CAMTA1: variants seen among roughly 807,000 people sequenced by gnomAD.
CAMTA1 encodes calmodulin binding transcription activator 1.
A neutral mutation model predicts 170.9 loss-of-function variants in CAMTA1; 27 were observed. That is an observed-to-expected ratio of 0.16 (90% CI 0.12 to 0.22). CAMTA1 has a LOEUF of 0.22. CAMTA1 is among the 10% of genes least tolerant of loss of function. The pLI is 1.00. For missense variants in CAMTA1, 1,619 were observed against 2,217.2 expected (o/e 0.73, Z 5.42); for synonymous variants, 833 against 891.5 (o/e 0.93, Z 1.17).
At chr1:7,056,903 G>A (rs961169120) in intron 3 of CAMTA1, among the ~76,000 whole-genome samples, 3 of 152,292 alleles carry the variant, frequency 2.0e-5, no homozygotes, top group East Asian at 1.9e-4. Context: ...GGGTGGTTCC[G>A]CTGGGACACC....
chr1:7,177,833 A>G (rs1651252900), intron 4 of CAMTA1, among the ~76,000 whole-genome samples: 1 of 147,750 alleles, frequency 6.8e-6, no homozygotes. Flanking sequence ...TGCCACACAC[A>G]GAGGCTCCTC....
At chr1:7,757,789 G>A (rs926017423) in intron 22 of CAMTA1, among the ~76,000 whole-genome samples, 1 of 152,070 alleles carries the variant, frequency 6.6e-6, no homozygotes, top group Non-Finnish European at 1.5e-5. Flanking sequence ...AAGATTTAAA[G>A]GCTCATTTAT....
chr1:7,014,970 T>C lies in CAMTA1; in HGVS notation c.235-76334T>C, dbSNP rs1205916932. On this transcript the variant is annotated intron_variant, in intron 3 of 22. Coordinates refer to ENST00000303635, the MANE Select transcript of CAMTA1 (RefSeq NM_015215.4). The surrounding 1 kb of genome is among the most constrained non-coding windows in gnomAD (Gnocchi z 4.2). ...AACCACAAGCTAAATGATCTGTACA[T>C]TGTCCTCCAACTCTGAGAGCCTCTG... 6.6e-6 allele frequency among the ~76,000 whole-genome samples: 1 copy of C among 152,164 alleles called. No homozygotes were observed. Among genetic ancestry groups the C allele is most frequent in the Non-Finnish European group, 1.5e-5 (1 of 68,010 alleles).
intron 5 of CAMTA1, among the ~76,000 whole-genome samples, chr1:7,288,436 A>G (rs754647748): frequency 6.6e-6 from 1 of 152,210 alleles, no homozygotes; most frequent in Non-Finnish European, 1.5e-5. Flanking sequence ...CCATAGCCCA[A>G]AGGATACTTA....
At chr1:7,264,286 T>G (rs1668587757) in intron 5 of CAMTA1, among the ~76,000 whole-genome samples, 1 of 152,178 alleles carries the variant, frequency 6.6e-6, no homozygotes. Context: ...GATCCTACTT[T>G]GTGTTGTGGA....
At chr1:7,198,373 G>A (rs1271399878) in intron 4 of CAMTA1, among the ~76,000 whole-genome samples, 1 of 151,972 alleles carries the variant, frequency 6.6e-6, no homozygotes, top group Non-Finnish European at 1.5e-5. Flanking sequence ...AACTCTTCTG[G>A]AATCACGTGG....
chr1:7,202,191 T>C (rs1054318172), intron 4 of CAMTA1, among the ~76,000 whole-genome samples: 2 of 152,200 alleles, frequency 1.3e-5, no homozygotes, highest in Non-Finnish European at 2.9e-5. Flanking sequence ...AAAAGTCAAT[T>C]GATGACAGCT....
intron 5 of CAMTA1, among the ~76,000 whole-genome samples, chr1:7,419,473 A>G (rs1291614629): frequency 6.6e-6 from 1 of 152,060 alleles, no homozygotes; most frequent in East Asian, 1.9e-4. Context: ...TCCTTGACTC[A>G]TGACTTTTGG....
At chr1:7,538,613 G>GC (rs1391008591) in intron 6 of CAMTA1, among the ~76,000 whole-genome samples, 6 of 152,224 alleles carry the variant, frequency 3.9e-5, no homozygotes, top group African/African-American at 1.4e-4. Context: ...TCACACTGCT[G>GC]CACTCCAGCC....
chr1:7,066,634 T>C (rs1044166557), intron 3 of CAMTA1, among the ~76,000 whole-genome samples: 1 of 152,236 alleles, frequency 6.6e-6, no homozygotes, highest in African/African-American at 2.4e-5. Context: ...GACTCCTTGC[T>C]TAAAGAGAAA....
At chr1:7,511,503 C>T (rs1462089492) in intron 6 of CAMTA1, among the ~76,000 whole-genome samples, 1 of 152,122 alleles carries the variant, frequency 6.6e-6, no homozygotes, top group East Asian at 1.9e-4. Flanking sequence ...TCCTGGGGTG[C>T]CCAGGTGTTC....
intron 6 of CAMTA1, among the ~76,000 whole-genome samples, chr1:7,519,072 G>GA (rs1420254976): frequency 2.0e-5 from 3 of 152,032 alleles, no homozygotes; most frequent in African/African-American, 7.3e-5. Context: ...GATGGAAAGG[G>GA]AAAAGGAAGA....
In CAMTA1 at chr1:7,609,533, C is replaced by G. The variant is rs534493114; in HGVS notation, c.511-30867C>G. Among the ~76,000 whole-genome samples the G allele has an allele frequency of 2.0e-5, 3 of 152,338 alleles. No individual in the cohort carries two copies. Among genetic ancestry groups the G allele is most frequent in the East Asian group, 3.9e-4 (2 of 5,168 alleles). ...CCCAGGGATGCTCAGGGCCTGCCAC[C>G]CCTCTCTCAGGCTCCAGTCCAGCCC... is the stretch of plus-strand genomic sequence containing the variant. On this transcript the variant is annotated intron_variant, in intron 6 of 22. Coordinates refer to ENST00000303635, the MANE Select transcript of CAMTA1 (RefSeq NM_015215.4). The surrounding 1 kb of genome is among the most constrained non-coding windows in gnomAD (Gnocchi z 4.4).
intron 6 of CAMTA1, among the ~76,000 whole-genome samples, chr1:7,548,362 C>A (rs896537488): frequency 6.6e-6 from 1 of 152,156 alleles, no homozygotes; most frequent in Non-Finnish European, 1.5e-5. Flanking sequence ...ATGCAGGGTG[C>A]GCCTTAGGAA....
At chr1:7,160,736 A>C (rs1417141935) in intron 4 of CAMTA1, among the ~76,000 whole-genome samples, 4 of 152,206 alleles carry the variant, frequency 2.6e-5, no homozygotes, top group African/African-American at 9.7e-5. Flanking sequence ...CCCAGGTAGT[A>C]CCACTAAGTT....
chr1:7,239,211 A>G (rs897863832), intron 4 of CAMTA1, among the ~76,000 whole-genome samples: 4 of 152,252 alleles, frequency 2.6e-5, no homozygotes, highest in African/African-American at 9.6e-5. Flanking sequence ...TTTTAAAAAA[A>G]TACTTCTGCA....
At chr1:7,343,675 T>A (rs1240236280) in intron 5 of CAMTA1, among the ~76,000 whole-genome samples, 1 of 152,188 alleles carries the variant, frequency 6.6e-6, no homozygotes, top group African/African-American at 2.4e-5. Context: ...ATCACAACCC[T>A]GAATTTGTGC....
chr1:7,016,523 C>A (rs1342921272), intron 3 of CAMTA1, among the ~76,000 whole-genome samples: 1 of 152,164 alleles, frequency 6.6e-6, no homozygotes, highest in African/African-American at 2.4e-5. Context: ...TAAACATAAC[C>A]CTTAATTTCC....
intron 1 of CAMTA1, among the ~76,000 whole-genome samples, chr1:6,788,657 G>A (rs1049165811): frequency 2.0e-5 from 3 of 151,260 alleles, no homozygotes; most frequent in Admixed American, 6.6e-5. Context: ...GAGTCATCCC[G>A]TTTCCAGTGG....
Sources: gnomAD v4.1 joint callset for allele counts (sites outside exome capture counted in the v4.1 genomes callset) on GRCh38, gnomAD v4.1.1 for gene constraint, Gnocchi (gnomAD v3.1) non-coding constraint, MANE v1.5 for transcripts, NCBI Gene and HGNC (gene_info 2026-07-23, HGNC 2026-07-21) for gene names.